Variants in PDE12 observed in about 807,000 individuals in gnomAD.
PDE12 encodes phosphodiesterase 12.
In PDE12, 26 loss-of-function variants were observed where a neutral mutation model predicts 45.4. That is an observed-to-expected ratio of 0.57 (90% CI 0.42 to 0.79). The LOEUF (loss-of-function observed/expected upper bound fraction) is 0.79. PDE12 is among the 30% of genes least tolerant of loss of function. PDE12 has a pLI of 0.00. For missense variants in PDE12, 668 were observed against 790.0 expected, an observed-to-expected ratio of 0.85 and a Z score of 1.85; for synonymous variants, 283 against 323.9, an observed-to-expected ratio of 0.87 and a Z score of 1.36.
In PDE12 at chr3:57,560,098, G is replaced by C; in HGVS notation, c.*94G>C. 6.7e-7 allele frequency: 1 copy of C among 1,485,386 alleles called. No homozygotes were observed. Among genetic ancestry groups the C allele is most frequent in the Non-Finnish European group, 8.9e-7 (1 of 1,126,112 alleles). 92.0% of individuals were successfully genotyped at this position (1,485,386 alleles called of 1,614,324 possible). On this transcript the variant is annotated 3_prime_UTR_variant, in exon 3 of 3. Coordinates refer to ENST00000311180, the MANE Select transcript of PDE12 (RefSeq NM_177966.7). Reference sequence around the variant, plus strand: ...AAAGCTTATATGTAAACTTCAAGGAGGAATGGTAAAATGTTCAGCCCTCCT... The same window carrying C: ...AAAGCTTATATGTAAACTTCAAGGACGAATGGTAAAATGTTCAGCCCTCCT...
the PDE12 span, among the ~76,000 whole-genome samples, chr3:57,645,073 T>C: frequency 6.6e-6 from 1 of 152,024 alleles, no homozygotes; most frequent in East Asian, 1.9e-4. Flanking sequence ...TAAGATTATT[T>C]TTTCTTTTTA....
chr3:57,626,160 C>A, the PDE12 span: 2 of 152,582 alleles, frequency 1.3e-5, no homozygotes, highest in South Asian at 4.1e-4. Context: ...ATGCCATATT[C>A]TCTCTATGAC....
chr3:57,649,641 A>AAT, the PDE12 span, among the ~76,000 whole-genome samples: 12 of 102,626 alleles, frequency 1.2e-4, no homozygotes, highest in Non-Finnish European at 1.5e-4. Context: ...AAAAAAAAAA[A>AAT]ATATATATAT....
rs552316381 is a variant in PDE12, at chr3:57,563,415, A to G, written c.*3411A>G. ...TGTGCCCAACGTGCAGATTTGTTAC[A>G]TAGGTATACATGTGCCATGTTGGTT... On this transcript the variant is annotated 3_prime_UTR_variant, in exon 3 of 3. Transcript: ENST00000311180. 1 of 152,232 alleles carries G rather than the reference A, an allele frequency of 6.6e-6. No individual in the cohort carries two copies. The highest frequency in any genetic ancestry group is 2.1e-4 in the South Asian group (1 of 4,824). The allele number at this position is 152,232 out of a possible 1,614,324, so 9.4% of individuals were successfully genotyped here.
the PDE12 span, among the ~76,000 whole-genome samples, chr3:57,585,399 G>A: frequency 1.1e-4 from 16 of 151,956 alleles, no homozygotes; most frequent in Admixed American, 1.0e-3. Context: ...GATAATAAAG[G>A]AAGATGAAGC....
the PDE12 span, among the ~76,000 whole-genome samples, chr3:57,578,539 G>C: frequency 6.6e-6 from 1 of 152,018 alleles, no homozygotes; most frequent in African/African-American, 2.4e-5. Flanking sequence ...GAGCACAGTA[G>C]CACAATCTTG....
the PDE12 span, chr3:57,596,783 C>T: frequency 3.0e-6 from 1 of 336,392 alleles, no homozygotes. Context: ...GCTTTCCCCA[C>T]ATCTCTGCCC....
chr3:57,613,357 G>A, the PDE12 span, among the ~76,000 whole-genome samples: 5 of 147,574 alleles, frequency 3.4e-5, no homozygotes, highest in Non-Finnish European at 4.5e-5. Flanking sequence ...GCAGTGGCAC[G>A]ATCTCGGCTC....
At chr3:57,578,402 G>A in the PDE12 span, among the ~76,000 whole-genome samples, 3 of 146,990 alleles carry the variant, frequency 2.0e-5, no homozygotes, top group Admixed American at 1.3e-4. Flanking sequence ...AAAAAAAAAA[G>A]AAAGAAAAAT....
the PDE12 span, among the ~76,000 whole-genome samples, chr3:57,631,762 G>A: frequency 3.6e-4 from 41 of 112,968 alleles, no homozygotes; most frequent in African/African-American, 1.3e-3. Context: ...TCACTCTTTC[G>A]CCCAAGCTGG....
In PDE12 at chr3:57,556,538, C is replaced by G. The variant is rs765411324; in HGVS notation, c.159C>G (p.Phe53Leu). The change falls in exon 1 of 3, where the codon TTC (phenylalanine) becomes TTG (leucine). Residue 53 changes from phenylalanine to leucine, a missense_variant. Around this residue, in one of 3 missense-constraint regions of PDE12, gnomAD observed 580 missense variants for 662.9 expected, o/e 0.87. Transcript: ENST00000311180. This position sits in a 1 kb window ranked among gnomAD's most constrained non-coding sequence, Gnocchi z 5.0. ...CGGAACCCAAGCTGAGCCTGTCATT[C>G]GCTTTGGCTGATGGTAGCCACAAGA... ...VPSEPKLSLS[F>L]ALADGSHKNM... is the part of the protein sequence containing the mutation. The G allele has an allele frequency of 2.5e-6, 4 of 1,613,444 alleles. No individual in the cohort carries two copies. The African/African-American group carries it at 5.3e-5, about 22-fold the overall frequency.
At chr3:57,641,514 A>C in the PDE12 span, 1 of 507,102 alleles carries the variant, frequency 2.0e-6, no homozygotes, top group Non-Finnish European at 3.2e-6. Context: ...TTTAGTGGGA[A>C]ATTAGCAGGA....
chr3:57,584,059 A>C, the PDE12 span: 3 of 1,236,866 alleles, frequency 2.4e-6, no homozygotes, highest in African/African-American at 1.5e-5. Context: ...AGAAAATAAA[A>C]CCTTTTATTG....
chr3:57,557,486 G>C lies in PDE12; in HGVS notation c.1107G>C (p.Gly369=). ...DSLVPALEAF[G]LEGVFRIKQH... ...TGGTACCCGCCCTAGAGGCCTTCGG[G>C]CTCGAGGGGGTGTTTCGAATCAAGC... Residue 369 remains glycine (G), a synonymous_variant, in exon 1 of 3, where the codon GGG becomes GGC. Transcript: ENST00000311180. 1 of 1,613,986 alleles carries C rather than the reference G, an allele frequency of 6.2e-7. No individual in the cohort carries two copies. The highest frequency in any genetic ancestry group is 8.5e-7 in the Non-Finnish European group (1 of 1,180,030).
chr3:57,641,167 A>G, the PDE12 span, among the ~76,000 whole-genome samples: 4 of 145,804 alleles, frequency 2.7e-5, no homozygotes, highest in East Asian at 7.8e-4. Flanking sequence ...AAATATATAT[A>G]TAGTATATTT....
chr3:57,633,308 C>A, the PDE12 span: 1 of 1,613,708 alleles, frequency 6.2e-7, no homozygotes, highest in Non-Finnish European at 8.5e-7. Context: ...AAAATAGCGT[C>A]GAAGAATAAC....
chr3:57,585,665 CT>C, the PDE12 span, among the ~76,000 whole-genome samples: 8 of 137,048 alleles, frequency 5.8e-5, no homozygotes, highest in South Asian at 6.8e-4. Context: ...TATCTAAATT[CT>C]TTTTTTTTTT....
the PDE12 span, among the ~76,000 whole-genome samples, chr3:57,591,979 T>A: frequency 3.3e-5 from 5 of 152,152 alleles, no homozygotes; most frequent in African/African-American, 1.2e-4. Flanking sequence ...TAGACAATGG[T>A]GATGGTTACA....
At chr3:57,616,249 A>G in the PDE12 span, among the ~76,000 whole-genome samples, 1 of 152,132 alleles carries the variant, frequency 6.6e-6, no homozygotes, top group Admixed American at 6.6e-5. Context: ...ACTTGAGCCC[A>G]GCAGAGAGAG....
Sources: gnomAD v4.1 joint callset for allele counts (sites outside exome capture counted in the v4.1 genomes callset) on GRCh38, gnomAD v4.1.1 for gene constraint, gnomAD v4.1.1 regional missense constraint, Gnocchi (gnomAD v3.1) non-coding constraint, MANE v1.5 for transcripts, NCBI Gene and HGNC (gene_info 2026-07-23, HGNC 2026-07-21) for gene names.